Variants in CLASRP observed in about 807,000 individuals in gnomAD.
CLASRP encodes the protein CLK4-associating serine/arginine rich protein.
In CLASRP, 52 loss-of-function variants were observed where a neutral mutation model predicts 99.9. That is an observed-to-expected ratio of 0.52 (90% CI 0.42 to 0.66). CLASRP has a LOEUF of 0.66. CLASRP is among the 30% of genes least tolerant of loss of function. CLASRP has a pLI of 0.00. For missense variants in CLASRP, 848 were observed against 999.2 expected (o/e 0.85, Z 2.04); for synonymous variants, 379 against 373.0 (o/e 1.02, Z -0.18).
chr19:45,069,720 A>G (rs1967189650), intron 18 of CLASRP: 3 of 458,896 alleles, frequency 6.5e-6, no homozygotes, highest in Non-Finnish European at 1.2e-5. Context: ...AAGCCTGGCC[A>G]CTGTGACGGA....
chr19:45,066,206 T>C (rs914702707), intron 13 of CLASRP, among the ~76,000 whole-genome samples: 1 of 151,722 alleles, frequency 6.6e-6, no homozygotes, highest in Non-Finnish European at 1.5e-5. Flanking sequence ...CTGCACCTCC[T>C]CCTCCTGGGT....
Position 45,052,903 on chromosome 19 carries a change from T to C in CLASRP, c.299+11T>C, listed in dbSNP as rs776787011. On this transcript the variant is annotated intron_variant, in intron 4 of 20. Transcript: ENST00000221455. ...TCTGCTCACCACCATGTAAGCCACC[T>C]CCCAGGGGGTTGCCAGGCACAGCGT... 2 of 1,594,412 alleles carry C rather than the reference T, an allele frequency of 1.3e-6. No homozygotes were observed. The highest frequency in any genetic ancestry group is 1.7e-6 in the Non-Finnish European group (2 of 1,170,832).
intron 7 of CLASRP, among the ~76,000 whole-genome samples, chr19:45,058,998 C>CT (rs1972176235): frequency 6.6e-6 from 1 of 152,098 alleles, no homozygotes; most frequent in Admixed American, 6.6e-5. Context: ...CCCATCCGTC[C>CT]ATCTCTCCCT....
chr19:45,041,475 C>A (rs909255806), intron 2 of CLASRP, among the ~76,000 whole-genome samples: 1 of 152,110 alleles, frequency 6.6e-6, no homozygotes, highest in African/African-American at 2.4e-5. Flanking sequence ...TCCTGTGTAT[C>A]CTTGGGATCC....
chr19:45,050,742 C>T (rs540525157), intron 2 of CLASRP, among the ~76,000 whole-genome samples: 133 of 152,096 alleles, frequency 8.7e-4, no homozygotes, highest in South Asian at 1.9e-3. Context: ...GATGGAGTCT[C>T]GCTCTTGTCC....
chr19:45,064,271 G>A (rs1210983047), intron 12 of CLASRP, 44 bp downstream of exon 12: 4 of 1,533,814 alleles, frequency 2.6e-6, no homozygotes, highest in Non-Finnish European at 3.5e-6. Context: ...CGGTCACCAT[G>A]GGGGGTACCC....
At chr19:45,039,162 C>T (rs952465140) in intron 1 of CLASRP, 54 bp downstream of exon 1, 1 of 152,374 alleles carries the variant, frequency 6.6e-6, no homozygotes, top group Non-Finnish European at 1.5e-5. Flanking sequence ...CTCAGCCCAG[C>T]TTCTCCCTTT....
At chr19:45,063,899 G>T in intron 11 of CLASRP, 113 bp from the exon 12 acceptor site, 1 of 1,445,124 alleles carries the variant, frequency 6.9e-7, no homozygotes. Flanking sequence ...CACCCGCCTG[G>T]TTTCCCGGGT....
At chr19:45,040,138 C>T (rs1193366415) in intron 1 of CLASRP, 46 bp from the exon 2 acceptor site, 10 of 1,058,844 alleles carry the variant, frequency 9.4e-6, no homozygotes, top group African/African-American at 6.3e-5. Context: ...TCTGCCCATA[C>T]GGGTTTCACA....
At chr19:45,039,753 C>T (rs1971777594) in intron 1 of CLASRP, 1 of 164,114 alleles carries the variant, frequency 6.1e-6, no homozygotes, top group Non-Finnish European at 1.4e-5. Flanking sequence ...TTCTCCTTAT[C>T]CCTCTACCAC....
chr19:45,056,630 C>T, intron 6 of CLASRP, 96 bp downstream of exon 6: 2 of 956,430 alleles, frequency 2.1e-6, no homozygotes, highest in Non-Finnish European at 3.3e-6. Flanking sequence ...CCAGGGTCTC[C>T]CCGAAACCAA....
intron 13 of CLASRP, among the ~76,000 whole-genome samples, 190 bp downstream of exon 13, chr19:45,064,820 G>C (rs1024611340): frequency 6.6e-6 from 1 of 152,222 alleles, no homozygotes; most frequent in Non-Finnish European, 1.5e-5. Context: ...GGGTGTTTGC[G>C]TGCGCGTTCT....
At chr19:45,061,896 C>G (rs1966947276) in intron 10 of CLASRP, among the ~76,000 whole-genome samples, 1 of 151,694 alleles carries the variant, frequency 6.6e-6, no homozygotes, top group Non-Finnish European at 1.5e-5. Flanking sequence ...CCAAGCAGAA[C>G]CAGAGCTGCT....
Position 45,060,567 on chromosome 19 carries a change from G to A in CLASRP, c.803G>A (p.Arg268Gln). ...ACCCTACTCCAGGGACGCCGCTCTC[G>A]ACGCCAGCGGAGAGAGTTTCGGGAG... ...EKAMYSGRRS[R>Q]RQRREFREKR... The change falls in exon 10 of 21, where the codon CGA becomes CAA. Residue 268 changes from arginine (R) to glutamine (Q), a missense_variant. Arg to Gln is a conservative substitution (Grantham distance 43, BLOSUM62 1). Around this residue, in one of 8 missense-constraint regions of CLASRP, gnomAD observed 119 missense variants for 170.2 expected, o/e 0.70. Coordinates refer to ENST00000221455, the MANE Select transcript of CLASRP (RefSeq NM_007056.3). The surrounding 1 kb of genome is among the most constrained non-coding windows in gnomAD (Gnocchi z 4.6). 1.2e-6 allele frequency: 2 copies of A among 1,613,022 alleles called. No homozygotes were observed. The highest frequency in any genetic ancestry group is 8.5e-7 in the Non-Finnish European group (1 of 1,179,628).
rs371731783 is a variant in CLASRP at position 45,068,411 on chromosome 19, C to G, written c.1708-9C>G. The G allele has an allele frequency of 8.6e-5, 137 of 1,594,540 alleles. No homozygotes were observed. Among genetic ancestry groups the G allele is most frequent in the Admixed American group, 1.3e-4 (8 of 59,960 alleles). ...ACCCCCTCTCCCGCCTCTTCTCCCC[C>G]CTCCCCAGCCCAAGCTGACGCCTCA... On this transcript the variant is annotated splice_polypyrimidine_tract_variant and intron_variant, in intron 15 of 20. Coordinates refer to ENST00000221455, the MANE Select transcript of CLASRP (RefSeq NM_007056.3).
intron 2 of CLASRP, among the ~76,000 whole-genome samples, chr19:45,041,904 TC>T (rs1457622993): frequency 2.6e-5 from 4 of 152,208 alleles, no homozygotes; most frequent in African/African-American, 9.7e-5. Flanking sequence ...TATGAGCTCT[TC>T]CCATACCTGG....
chr19:45,065,288 G>T (rs1471779563), intron 13 of CLASRP, among the ~76,000 whole-genome samples: 3 of 151,890 alleles, frequency 2.0e-5, no homozygotes, highest in Non-Finnish European at 4.4e-5. Context: ...TACTTGAGAG[G>T]CTGAGGCAGG....
intron 11 of CLASRP, 82 bp from the exon 12 acceptor site, chr19:45,063,930 C>G: frequency 6.7e-7 from 1 of 1,487,386 alleles, no homozygotes; most frequent in Non-Finnish European, 9.0e-7. Context: ...CGCGCTGGCG[C>G]TGCTGTTGAT....
chr19:45,056,420 C>A (rs766860666), intron 5 of CLASRP, 30 bp from the exon 6 acceptor site: 1 of 1,604,862 alleles, frequency 6.2e-7, no homozygotes, highest in South Asian at 1.1e-5. Flanking sequence ...CCCCAACCCA[C>A]TCTGACCTGG....
Sources: allele counts gnomAD v4.1 joint callset (sites outside exome capture counted in the v4.1 genomes callset), GRCh38; gene constraint gnomAD v4.1.1; regional missense constraint gnomAD v4.1.1; non-coding constraint Gnocchi (gnomAD v3.1); transcripts MANE v1.5; gene names NCBI Gene and HGNC (gene_info 2026-07-23, HGNC 2026-07-21).